COL24A1: variants seen among roughly 807,000 people sequenced by gnomAD.
The protein encoded by COL24A1 is collagen alpha-1(XXIV) chain.
A neutral mutation model predicts 253.9 loss-of-function variants in COL24A1; 224 were observed. The observed-to-expected ratio is 0.88, with a 90% CI of 0.79 to 0.99. The LOEUF is 0.99. Among genes scored for constraint, COL24A1 ranks in the 50% least tolerant of loss-of-function variants. The pLI, the probability that COL24A1 is intolerant of heterozygous loss-of-function variation, is 0.00. For synonymous variants in COL24A1, 685 were observed against 673.7 expected (o/e 1.02, Z -0.26); for missense variants, 2,131 against 2,068.5 (o/e 1.03, Z -0.59).
chr1:85,736,622 C>T (rs147908445), intron 58 of COL24A1: 248 of 393,012 alleles, frequency 6.3e-4, no homozygotes, highest in Non-Finnish European at 5.7e-4. Context: ...GAGGAGAGGG[C>T]GGTTCAATAA....
Position 85,784,108 on chromosome 1 carries a change from C to T in COL24A1, c.4221+5G>A, listed in dbSNP as rs760222086. 8 of 1,609,362 alleles carry T rather than the reference C, an allele frequency of 5.0e-6. No homozygotes were observed. Among genetic ancestry groups the T allele is most frequent in the Non-Finnish European group, 5.9e-6 (7 of 1,176,502 alleles). The stretch of plus-strand genomic sequence containing the variant: ...AGAAGACTAGAAGAAAGTATGTAAA[C>T]ATACTTTAGGGCCTGGGAATCCTTG... On this transcript the variant is annotated splice_donor_5th_base_variant and intron_variant, in intron 50 of 59. Coordinates refer to ENST00000370571, the MANE Select transcript of COL24A1 (RefSeq NM_152890.7).
At chr1:86,046,332 C>T (rs1415449287) in intron 12 of COL24A1, among the ~76,000 whole-genome samples, 2 of 152,086 alleles carry the variant, frequency 1.3e-5, no homozygotes, top group East Asian at 3.8e-4. Flanking sequence ...CAATTTCCTC[C>T]CATCTCTGAA....
chr1:86,152,446 A>G (rs928832260), intron 1 of COL24A1, among the ~76,000 whole-genome samples: 2 of 152,252 alleles, frequency 1.3e-5, no homozygotes, highest in African/African-American at 4.8e-5. Context: ...TATATGATAC[A>G]TAAGTGAATT....
At chr1:85,769,331 T>A (rs1159677318) in intron 53 of COL24A1, among the ~76,000 whole-genome samples, 2 of 152,090 alleles carry the variant, frequency 1.3e-5, no homozygotes, top group African/African-American at 4.8e-5. Context: ...TGTCAGTTGG[T>A]AGAGGCACAG....
At chr1:85,777,679 T>C (rs961906553) in intron 52 of COL24A1, among the ~76,000 whole-genome samples, 1 of 152,160 alleles carries the variant, frequency 6.6e-6, no homozygotes, top group Non-Finnish European at 1.5e-5. Flanking sequence ...ATGGGATAAA[T>C]TCCTCCAAGT....
chr1:85,908,239 A>G (rs974679751), intron 27 of COL24A1, among the ~76,000 whole-genome samples: 1 of 151,738 alleles, frequency 6.6e-6, no homozygotes, highest in African/African-American at 2.4e-5. Flanking sequence ...GGTTGTGATA[A>G]TATTTACAAA....
chr1:86,020,734 A>G (rs1463757252), intron 18 of COL24A1, among the ~76,000 whole-genome samples: 1 of 152,192 alleles, frequency 6.6e-6, no homozygotes, highest in Non-Finnish European at 1.5e-5. Context: ...AGAATATGTA[A>G]AAAGTATCTT....
At chr1:86,044,359 A>T (rs1404369259) in intron 12 of COL24A1, among the ~76,000 whole-genome samples, 1 of 152,212 alleles carries the variant, frequency 6.6e-6, no homozygotes, top group African/African-American at 2.4e-5. Flanking sequence ...ACTGTATTTT[A>T]TTCTAAGTAT....
rs888148776 is a variant in COL24A1, at chr1:85,986,418, T to G, written c.2364+1183A>C. Among the ~76,000 whole-genome samples, 3 of 151,864 alleles carry G rather than the reference T, an allele frequency of 2.0e-5. No individual in the cohort carries two copies. In the South Asian group the frequency reaches 6.2e-4, roughly 31 times the overall value. ...TTTAAAATATAACCATTGAAGATACTTTACTACTCAAATATCTTTGATTAC... is the reference window on the plus strand; with the variant it reads ...TTTAAAATATAACCATTGAAGATACGTTACTACTCAAATATCTTTGATTAC... On this transcript the variant is annotated intron_variant, in intron 20 of 59. Coordinates refer to ENST00000370571, the MANE Select transcript of COL24A1 (RefSeq NM_152890.7).
chr1:85,785,611 T>C (rs2101609503), intron 48 of COL24A1, among the ~76,000 whole-genome samples: 1 of 152,330 alleles, frequency 6.6e-6, no homozygotes, highest in Non-Finnish European at 1.5e-5. Context: ...ATTCATGGTA[T>C]AAACATTAAC....
chr1:86,057,773 C>CAT (rs1700770543), intron 10 of COL24A1, among the ~76,000 whole-genome samples, 158 bp downstream of exon 10: 1 of 152,154 alleles, frequency 6.6e-6, no homozygotes, highest in Non-Finnish European at 1.5e-5. Context: ...TTTCTGTCAT[C>CAT]ATAGAAGTGA....
chr1:85,856,796 C>A (rs1292216456), intron 37 of COL24A1, among the ~76,000 whole-genome samples: 1 of 152,146 alleles, frequency 6.6e-6, no homozygotes, highest in South Asian at 2.1e-4. Context: ...TGTCTGTACG[C>A]CCAAAGGCTG....
chr1:85,801,642 C>A (rs1284231802), intron 47 of COL24A1, among the ~76,000 whole-genome samples: 2 of 152,172 alleles, frequency 1.3e-5, no homozygotes, highest in African/African-American at 4.8e-5. Flanking sequence ...ACTTTTTTAA[C>A]CCTTTCTACA....
At chr1:86,106,603 TTTAA>T (rs1705000294) in intron 5 of COL24A1, among the ~76,000 whole-genome samples, 1 of 152,142 alleles carries the variant, frequency 6.6e-6, no homozygotes, top group Non-Finnish European at 1.5e-5. Flanking sequence ...ATTTTACGTG[TTTAA>T]TTAATAGCAA....
At chr1:85,795,546 A>G (rs952204044) in intron 47 of COL24A1, among the ~76,000 whole-genome samples, 3 of 152,282 alleles carry the variant, frequency 2.0e-5, no homozygotes, top group African/African-American at 4.8e-5. Context: ...TCGAATATCA[A>G]TTTTATTGAT....
chr1:85,742,437 C>T (rs1664755596), intron 57 of COL24A1, among the ~76,000 whole-genome samples: 1 of 152,034 alleles, frequency 6.6e-6, no homozygotes, highest in African/African-American at 2.4e-5. Flanking sequence ...CGTCCTAGAC[C>T]TCATTTCTTC....
intron 51 of COL24A1, among the ~76,000 whole-genome samples, chr1:85,782,242 A>G (rs891191408): frequency 6.6e-6 from 1 of 152,062 alleles, no homozygotes; most frequent in Non-Finnish European, 1.5e-5. Flanking sequence ...ATGTGCCACC[A>G]TGCCCAGCTA....
At chr1:86,103,488 T>C (rs1253722080) in intron 5 of COL24A1, among the ~76,000 whole-genome samples, 3 of 152,234 alleles carry the variant, frequency 2.0e-5, no homozygotes, top group Middle Eastern at 3.2e-3. Context: ...TCTGTGTACA[T>C]AAGTGTGTTT....
chr1:85,834,786 C>T (rs1247863652), intron 43 of COL24A1, among the ~76,000 whole-genome samples: 1 of 152,112 alleles, frequency 6.6e-6, no homozygotes, highest in Non-Finnish European at 1.5e-5. Flanking sequence ...CAGGATAATA[C>T]ATTTATTCCC....
Sources: allele counts gnomAD v4.1 joint callset (sites outside exome capture counted in the v4.1 genomes callset), GRCh38; gene constraint gnomAD v4.1.1; transcripts MANE v1.5; gene names NCBI Gene and HGNC (gene_info 2026-07-23, HGNC 2026-07-21).